The following TMEFF2 variants were observed in gnomAD, a reference collection of about 807,000 sequenced individuals.
The protein encoded by TMEFF2 is transmembrane protein with EGF like and two follistatin like domains 2.
In TMEFF2, 28 loss-of-function variants were observed where a neutral mutation model predicts 53.8. That is an observed-to-expected ratio of 0.52 (90% CI 0.39 to 0.71). The LOEUF (loss-of-function observed/expected upper bound fraction) is 0.71, where lower values mean the gene tolerates loss of function less well. Among genes scored for constraint, TMEFF2 ranks in the 30% least tolerant of loss-of-function variants. The probability of loss-of-function intolerance (pLI) is 0.00; values close to 1 mark genes in which losing one functional copy is unlikely to be tolerated. For synonymous variants in TMEFF2, 162 were observed against 166.3 expected (o/e 0.97, Z 0.20); for missense variants, 353 against 455.2 (o/e 0.78, Z 2.04).
intron 5 of TMEFF2, among the ~76,000 whole-genome samples, chr2:192,050,222 T>C (rs114946225): frequency 0.014 from 2,119 of 152,324 alleles, 61 homozygotes; most frequent in African/African-American, 0.048. Flanking sequence ...CAGAATTCTT[T>C]ATCCCCATAT....
chr2:191,967,949 T>C (rs549662974), intron 7 of TMEFF2, among the ~76,000 whole-genome samples: 1 of 152,328 alleles, frequency 6.6e-6, no homozygotes, highest in African/African-American at 2.4e-5. Context: ...AGAATGTCTT[T>C]GTCTCTTTTG....
At chr2:192,060,175 AAGAAGACTTC>A (rs1347502141) in intron 4 of TMEFF2, among the ~76,000 whole-genome samples, 3 of 152,100 alleles carry the variant, frequency 2.0e-5, no homozygotes, top group African/African-American at 7.2e-5. Flanking sequence ...AAGCAATACC[AAGAAGACTTC>A]ATCTGTCCAG....
Position 192,184,389 on chromosome 2 carries a change from T to G in TMEFF2, c.377A>C (p.Glu126Ala), listed in dbSNP as rs1489216171. The G allele has an allele frequency of 1.9e-6, 3 of 1,613,318 alleles. No homozygotes were observed. The highest frequency in any genetic ancestry group is 2.5e-6 in the Non-Finnish European group (3 of 1,179,500). The change falls in exon 3 of 10, where the codon GAG (glutamate) becomes GCG (alanine). Residue 126 changes from glutamate to alanine, a missense_variant. This residue lies in a region of TMEFF2 where 294 missense variants were observed against 397.3 expected (regional missense o/e 0.74). Coordinates refer to ENST00000272771, the MANE Select transcript of TMEFF2 (RefSeq NM_016192.4). ...LRQAACKQQS[E>A]ILVVSEGSCA... ...TGATCCTTCTGACACCACAAGTATCTCACTCTGCTGTTTGCATGCAGCCTG... is the reference window on the plus strand; with the variant it reads ...TGATCCTTCTGACACCACAAGTATCGCACTCTGCTGTTTGCATGCAGCCTG...
chr2:192,005,425 G>C (rs1453557580), intron 5 of TMEFF2, among the ~76,000 whole-genome samples: 1 of 152,160 alleles, frequency 6.6e-6, no homozygotes. Context: ...CTGGCAGCTA[G>C]CAAATTACAT....
chr2:192,082,977 C>T (rs9630992), intron 4 of TMEFF2, among the ~76,000 whole-genome samples: 141,442 of 148,624 alleles, frequency 0.95, 67,667 homozygotes, highest in East Asian at 1. Context: ...TTTTTTTTTC[C>T]GAACATGGTC....
At chr2:192,128,814 G>A (rs1559138244) in intron 4 of TMEFF2, among the ~76,000 whole-genome samples, 2 of 152,198 alleles carry the variant, frequency 1.3e-5, no homozygotes, top group African/African-American at 2.4e-5. Context: ...AATGTTGAAA[G>A]AGAAAGCAGT....
chr2:191,969,497 T>C (rs565536110), intron 7 of TMEFF2, among the ~76,000 whole-genome samples: 3 of 152,276 alleles, frequency 2.0e-5, no homozygotes, highest in South Asian at 4.1e-4. Flanking sequence ...TCCTATGTAT[T>C]TCAGTCTCCT....
At position 192,183,115 on chromosome 2, in the gene TMEFF2, C is replaced by A. The variant is rs1194568969; in HGVS notation, c.412+1239G>T. Among the ~76,000 whole-genome samples the A allele has an allele frequency of 2.0e-5, 3 of 151,992 alleles. No homozygotes were observed. The East Asian group carries it at 5.8e-4, about 29-fold the overall frequency. Reference sequence around the variant, plus strand: ...CTCCTGACCACCCTTTCATGAAGAACATTCACATCTGAGCAAATAATCCCT... The same window carrying A: ...CTCCTGACCACCCTTTCATGAAGAAAATTCACATCTGAGCAAATAATCCCT... On this transcript the variant is annotated intron_variant, in intron 3 of 9. Transcript: ENST00000272771.
intron 5 of TMEFF2, among the ~76,000 whole-genome samples, chr2:192,048,780 TTGCCAC>T (rs976727739): frequency 6.6e-6 from 1 of 152,164 alleles, no homozygotes; most frequent in African/African-American, 2.4e-5. Flanking sequence ...ACAGTCAGGG[TTGCCAC>T]TGCCACTGCA....
chr2:192,133,138 CTT>C (rs538197067), intron 4 of TMEFF2, among the ~76,000 whole-genome samples: 1 of 150,932 alleles, frequency 6.6e-6, no homozygotes, highest in African/African-American at 2.4e-5. Context: ...TTAAGCACTC[CTT>C]TTTAGTTATC....
At chr2:192,003,452 T>C (rs1288409829) in intron 5 of TMEFF2, among the ~76,000 whole-genome samples, 1 of 152,206 alleles carries the variant, frequency 6.6e-6, no homozygotes, top group Non-Finnish European at 1.5e-5. Flanking sequence ...CAAGGCTATG[T>C]CTACTCTTGG....
chr2:192,170,791 T>C (rs1690889827), intron 4 of TMEFF2, among the ~76,000 whole-genome samples: 1 of 152,100 alleles, frequency 6.6e-6, no homozygotes, highest in Admixed American at 6.6e-5. Context: ...ACTAGTTTAC[T>C]AAGTGACAGG....
chr2:192,136,778 C>G (rs1240865810), intron 4 of TMEFF2, among the ~76,000 whole-genome samples: 1 of 152,058 alleles, frequency 6.6e-6, no homozygotes, highest in African/African-American at 2.4e-5. Context: ...ACACCTGTTT[C>G]CATTTGGAAA....
chr2:192,075,304 T>TAAATATATATATATAAATAAATAAATAA (rs1553518793), intron 4 of TMEFF2, among the ~76,000 whole-genome samples: 1 of 17,276 alleles, frequency 5.8e-5, no homozygotes, highest in African/African-American at 9.9e-5. Flanking sequence ...TATATATATA[T>TAAATATATATATATAAATAAATAAATAA]ATATATATAT....
chr2:192,185,330 T>G (rs1691285840), intron 2 of TMEFF2, among the ~76,000 whole-genome samples: 6 of 152,056 alleles, frequency 3.9e-5, no homozygotes, highest in Admixed American at 3.9e-4. Flanking sequence ...TGCCTGCTAA[T>G]TACACCAGGG....
At chr2:192,140,351 C>T (rs1690107208) in intron 4 of TMEFF2, among the ~76,000 whole-genome samples, 1 of 152,124 alleles carries the variant, frequency 6.6e-6, no homozygotes, top group Non-Finnish European at 1.5e-5. Flanking sequence ...CTCATTAAAT[C>T]ATTATTTGTT....
At chr2:192,168,961 CT>C (rs1690839716) in intron 4 of TMEFF2, among the ~76,000 whole-genome samples, 1 of 151,988 alleles carries the variant, frequency 6.6e-6, no homozygotes, top group Non-Finnish European at 1.5e-5. Flanking sequence ...TCAAGCGATC[CT>C]CCCACCTCAG....
At chr2:192,157,576 G>A (rs1011413896) in intron 4 of TMEFF2, among the ~76,000 whole-genome samples, 2 of 151,908 alleles carry the variant, frequency 1.3e-5, no homozygotes, top group South Asian at 2.1e-4. Context: ...ATGTCAAGAA[G>A]TTTGTAAATA....
chr2:192,091,922 C>T (rs1688798752), intron 4 of TMEFF2, among the ~76,000 whole-genome samples: 2 of 152,252 alleles, frequency 1.3e-5, no homozygotes, highest in South Asian at 2.1e-4. Flanking sequence ...ATTGCTGCCT[C>T]TTCAGAAGGA....
Sources: gnomAD v4.1 joint callset for allele counts (sites outside exome capture counted in the v4.1 genomes callset) on GRCh38, gnomAD v4.1.1 for gene constraint, gnomAD v4.1.1 regional missense constraint, MANE v1.5 for transcripts, NCBI Gene and HGNC (gene_info 2026-07-23, HGNC 2026-07-21) for gene names.